Variants in UGT1A4 observed in about 807,000 individuals in gnomAD.
UGT1A4 encodes UDP-glucuronosyltransferase 1A4.
Under a neutral mutation model 41.1 loss-of-function variants are expected in UGT1A4, and 32 were observed. That is an observed-to-expected ratio of 0.78 (90% CI 0.59 to 1.05). The LOEUF (loss-of-function observed/expected upper bound fraction) is 1.05. Among genes scored for constraint, UGT1A4 ranks in the 50% least tolerant of loss-of-function variants. UGT1A4 has a pLI of 0.00. For missense variants in UGT1A4, 748 were observed against 677.4 expected, an observed-to-expected ratio of 1.10 and a Z score of -1.16; for synonymous variants, 283 against 265.1, an observed-to-expected ratio of 1.07 and a Z score of -0.66.
intron 1 of UGT1A4, among the ~76,000 whole-genome samples, chr2:233,764,316 C>T (rs1044416342): frequency 3.3e-5 from 5 of 152,242 alleles, no homozygotes; most frequent in Admixed American, 6.5e-5. Flanking sequence ...TTAAGGGAAG[C>T]TTTGCCAAGT....
At chr2:233,745,962 G>A (rs1693268115) in intron 1 of UGT1A4, among the ~76,000 whole-genome samples, 2 of 151,772 alleles carry the variant, frequency 1.3e-5, no homozygotes, top group Admixed American at 1.3e-4. Context: ...GGGGGACAGG[G>A]GCCCTGAAAT....
At position 233,760,222 on chromosome 2, in the gene UGT1A4, T is replaced by G. The variant is rs1346369593; in HGVS notation, c.868-6812T>G. On this transcript the variant is annotated intron_variant, in intron 1 of 4. Coordinates refer to ENST00000373409, the MANE Select transcript of UGT1A4 (RefSeq NM_007120.3). The stretch of plus-strand genomic sequence containing the variant: ...GTCAAACATTAACTTGGTGTATCGA[T>G]TGGTTTTTGCCATATATATATATAT... The G allele has an allele frequency of 2.5e-6, 4 of 1,591,036 alleles. No individual in the cohort carries two copies. The South Asian group carries it at 3.4e-5, about 13-fold the overall frequency.
Position 233,772,356 on chromosome 2 carries a change from A to G in UGT1A4, c.1402A>G (p.Arg468Gly). Reference protein sequence around the residue: ...LAVFWVEFVMRHKGAPHLRPA... With the variant: ...LAVFWVEFVMGHKGAPHLRPA... ...CGTGTTCTGGGTGGAGTTTGTGATG[A>G]GGCACAAGGGCGCGCCACACCTGCG... The change falls in exon 5 of 5, where the codon AGG (arginine) becomes GGG (glycine). Residue 468 changes from arginine to glycine, a missense_variant. Transcript: ENST00000373409. 6.2e-7 allele frequency: 1 copy of G among 1,614,222 alleles called. No individual in the cohort carries two copies. The highest frequency in any genetic ancestry group is 1.6e-4 in the Middle Eastern group (1 of 6,062).
rs1465114425 is a variant in UGT1A4, at chr2:233,719,286, C to G, written c.466C>G (p.Leu156Val). ...FDVVLTDPVN[L>V]CGAVLAKYLS... Reference sequence around the variant, plus strand: ...TGTGGTTTTAACAGACCCCGTTAACCTCTGTGGGGCGGTGCTGGCTAAGTA... The same window carrying G: ...TGTGGTTTTAACAGACCCCGTTAACGTCTGTGGGGCGGTGCTGGCTAAGTA... The change falls in exon 1 of 5, where the codon CTC (leucine) becomes GTC (valine). Residue 156 changes from leucine to valine, a missense_variant. Transcript: ENST00000373409. 1 of 1,613,964 alleles carries G rather than the reference C, an allele frequency of 6.2e-7. No homozygotes were observed. The highest frequency in any genetic ancestry group is 1.3e-5 in the African/African-American group (1 of 74,916).
In UGT1A4 at chr2:233,745,466, G is replaced by A. The variant is rs190513469; in HGVS notation, c.868-21568G>A. On this transcript the variant is annotated intron_variant, in intron 1 of 4. Transcript: ENST00000373409. ...AGTAAAGGTCACTCAGTTCTAAGGG[G>A]AAAATGATTAACCAAAGAACATTCT... Among the ~76,000 whole-genome samples, 657 of 151,722 alleles carry A rather than the reference G, an allele frequency of 4.3e-3. 15 individuals carry two copies. Among genetic ancestry groups the A allele is most frequent in the Non-Finnish European group, 5.8e-3 (396 of 68,008 alleles).
At chr2:233,729,643 T>C (rs1469650608) in intron 1 of UGT1A4, 1 of 1,613,972 alleles carries the variant, frequency 6.2e-7, no homozygotes, top group East Asian at 2.2e-5. Context: ...TGTGTTTTTT[T>C]TGAGGAACAT....
At chr2:233,727,367 A>G (rs1174142839) in intron 1 of UGT1A4, among the ~76,000 whole-genome samples, 6 of 152,052 alleles carry the variant, frequency 3.9e-5, no homozygotes, top group Non-Finnish European at 7.4e-5. Flanking sequence ...TAGGGCCCCT[A>G]GGTCTCTGGA....
intron 1 of UGT1A4, chr2:233,752,552 G>A (rs942776893): frequency 6.6e-6 from 1 of 152,002 alleles, no homozygotes; most frequent in South Asian, 2.1e-4. Context: ...GCTCTTGCTG[G>A]GACAACATAG....
At position 233,772,345 on chromosome 2, in the gene UGT1A4, A is replaced by G. The variant is rs72551358; in HGVS notation, c.1391A>G (p.Glu464Gly). 4 of 1,614,196 alleles carry G rather than the reference A, an allele frequency of 2.5e-6. No homozygotes were observed. The highest frequency in any genetic ancestry group is 3.4e-6 in the Non-Finnish European group (4 of 1,180,040). The change falls in exon 5 of 5, where the codon GAG becomes GGG. Residue 464 changes from glutamate (E) to glycine (G), a missense_variant. Glu to Gly is a moderately conservative substitution (Grantham distance 98, BLOSUM62 -2). Transcript: ENST00000373409. ...CTGGACCTGGCCGTGTTCTGGGTGG[A>G]GTTTGTGATGAGGCACAAGGGCGCG... The part of the protein sequence containing the change: ...EPLDLAVFWV[E>G]FVMRHKGAPH...
chr2:233,739,629 T>G (rs1457443905), intron 1 of UGT1A4, among the ~76,000 whole-genome samples: 1 of 152,190 alleles, frequency 6.6e-6, no homozygotes, highest in Non-Finnish European at 1.5e-5. Flanking sequence ...CCATTTGAAA[T>G]GGGAACATTT....
rs745537470 is a variant in UGT1A4, at chr2:233,755,045, G to A, written c.868-11989G>A. ...TGAAGGGCCTGCCGCCTGCGCAGCC[G>A]CCCTCCGCCCTCGCCTCGCCATAGC... On this transcript the variant is annotated intron_variant, in intron 1 of 4. Transcript: ENST00000373409. 1.4e-5 allele frequency: 18 copies of A among 1,325,360 alleles called. No individual in the cohort carries two copies. The East Asian group carries it at 1.4e-4, about 10-fold the overall frequency. 82.1% of individuals were successfully genotyped at this position (1,325,360 alleles called of 1,614,324 possible). A position where few individuals can be genotyped will look rare whatever the true frequency, so the allele number is the denominator to read the frequency against.
rs773080052 is a variant in UGT1A4, at chr2:233,725,069, CGCAGGCACTCG to C, written c.867+5389_867+5399del. On this transcript the variant is annotated intron_variant, in intron 1 of 4. Coordinates refer to ENST00000373409, the MANE Select transcript of UGT1A4 (RefSeq NM_007120.3). ...AGGCGTGGCGGCGCGCGCCTGCAAT[CGCAGGCACTCG>C]GCAGGCTGAGGCAGGAGAATCAGGC... 5.1e-3 allele frequency among the ~76,000 whole-genome samples: 744 copies of C among 146,616 alleles called. 33 individuals carry two copies. The highest frequency in any genetic ancestry group is 8.3e-3 in the Non-Finnish European group (553 of 66,856).
At chr2:233,767,553 A>C (rs1463279318) in intron 2 of UGT1A4, among the ~76,000 whole-genome samples, 1 of 152,268 alleles carries the variant, frequency 6.6e-6, no homozygotes, top group Non-Finnish European at 1.5e-5. Flanking sequence ...ATAGTTCTGC[A>C]TCCACTTGTT....
Position 233,719,056 on chromosome 2 carries a change from C to T in UGT1A4, c.236C>T (p.Ala79Val). 6.2e-7 allele frequency: 1 copy of T among 1,614,284 alleles called. No homozygotes were observed. Among genetic ancestry groups the T allele is most frequent in the Non-Finnish European group, 8.5e-7 (1 of 1,180,050 alleles). Reference protein sequence around the residue: ...IKEEKFFTLTAYAVPWTQKEF... With the variant: ...IKEEKFFTLTVYAVPWTQKEF... ...GAAGAGAAATTTTTCACCCTGACAG[C>T]CTATGCTGTTCCATGGACCCAGAAG... Residue 79 changes from alanine to valine, a missense_variant, in exon 1 of 5, where the codon GCC becomes GTC. Ala to Val is a moderately conservative substitution (Grantham distance 64, BLOSUM62 0). Coordinates refer to ENST00000373409, the MANE Select transcript of UGT1A4 (RefSeq NM_007120.3).
At chr2:233,735,191 G>T (rs1286482210) in intron 1 of UGT1A4, among the ~76,000 whole-genome samples, 1 of 150,050 alleles carries the variant, frequency 6.7e-6, no homozygotes, top group African/African-American at 2.5e-5. Flanking sequence ...TATGAATCTA[G>T]GTGCTCCTGT....
At chr2:233,754,323 G>A (rs1357745204) in intron 1 of UGT1A4, 2 of 247,114 alleles carry the variant, frequency 8.1e-6, no homozygotes, top group Non-Finnish European at 1.6e-5. Flanking sequence ...GTCTGCCTCA[G>A]GCTTAAGTTT....
At chr2:233,721,017 C>T (rs1165667415) in intron 1 of UGT1A4, among the ~76,000 whole-genome samples, 3 of 151,958 alleles carry the variant, frequency 2.0e-5, no homozygotes, top group Admixed American at 6.6e-5. Flanking sequence ...AGTGAGGGAG[C>T]CATCTTTCTT....
chr2:233,757,537 T>TAA (rs1696591664), intron 1 of UGT1A4, among the ~76,000 whole-genome samples: 3 of 107,778 alleles, frequency 2.8e-5, no homozygotes, highest in African/African-American at 1.4e-4. Context: ...CTGTAAGGAA[T>TAA]ATATATATAT....
At chr2:233,747,186 C>G (rs1693584588) in intron 1 of UGT1A4, 2 of 1,602,976 alleles carry the variant, frequency 1.2e-6, no homozygotes, top group Non-Finnish European at 1.7e-6. Flanking sequence ...GTGGGGTGGA[C>G]AGTCAGCTGT....
Sources: allele counts gnomAD v4.1 joint callset (sites outside exome capture counted in the v4.1 genomes callset), GRCh38; gene constraint gnomAD v4.1.1; transcripts MANE v1.5; gene names NCBI Gene and HGNC (gene_info 2026-07-23, HGNC 2026-07-21).